C11orf71: variants seen among roughly 807,000 people sequenced by gnomAD.
C11orf71 encodes the protein uncharacterized protein C11orf71.
For synonymous variants in C11orf71, 72 were observed against 73.4 expected (o/e 0.98, Z 0.09); for missense variants, 179 against 167.6 (o/e 1.07, Z -0.38).
In C11orf71 at chr11:114,392,423, A is replaced by G. The variant is rs962772907; in HGVS notation, c.344-758T>C. Reference sequence around the variant, plus strand: ...CTTGGTGATGGGCATCTGTAATCCCAGCTACTGAGGAGGCTGAGGCAGGAG... The same window carrying G: ...CTTGGTGATGGGCATCTGTAATCCCGGCTACTGAGGAGGCTGAGGCAGGAG... On this transcript the variant is annotated intron_variant, in intron 1 of 1. Transcript: ENST00000325636. Among the ~76,000 whole-genome samples, 10 of 150,878 alleles carry G rather than the reference A, an allele frequency of 6.6e-5. No individual in the cohort carries two copies. In the South Asian group the frequency reaches 2.1e-3, roughly 32 times the overall value.
At chr11:114,394,875 G>A (rs1255454085), downstream of C11orf71, among the ~76,000 whole-genome samples, 1 of 151,344 alleles carries the variant, frequency 6.6e-6, no homozygotes, top group Non-Finnish European at 1.5e-5. Context: ...GCGGCAGGTT[G>A]ATTTCAAACT....
chr11:114,393,137 C>A (rs1813911527), intron 1 of C11orf71, among the ~76,000 whole-genome samples: 1 of 152,204 alleles, frequency 6.6e-6, no homozygotes, highest in African/African-American at 2.4e-5. Flanking sequence ...ACAGCTCTTA[C>A]ATGCCACACT....
Position 114,400,306 on chromosome 11 carries a change from G to C in C11orf71, c.26C>G (p.Ser9Cys). The change falls in exon 1 of 1, where the codon TCC becomes TGC. Residue 9 changes from serine (S) to cysteine (C), a missense_variant. Transcript: ENST00000623205. ...CACCCTGCTCCTCTGATCACCGGAG[G>C]ACAGGGACACATTGTTCAGGGCCAT... MALNNVSL[S>C]SGDQRSRVAY... 6.2e-7 allele frequency: 1 copy of C among 1,609,416 alleles called. No individual in the cohort carries two copies. Among genetic ancestry groups the C allele is most frequent in the Admixed American group, 1.7e-5 (1 of 59,434 alleles).
chr11:114,392,374 C>G (rs148274006), intron 1 of C11orf71, among the ~76,000 whole-genome samples: 201 of 151,930 alleles, frequency 1.3e-3, no homozygotes, highest in African/African-American at 4.6e-3. Flanking sequence ...CCCGTCTCTA[C>G]TAAAAATACG....
At chr11:114,394,246 TC>T (rs1305570622), downstream of C11orf71, among the ~76,000 whole-genome samples, 1 of 63,434 alleles carries the variant, frequency 1.6e-5, no homozygotes, top group African/African-American at 1.2e-4. Flanking sequence ...TCTTTTCTTT[TC>T]TTTTCTTTTC....
downstream of C11orf71, among the ~76,000 whole-genome samples, chr11:114,394,897 T>G (rs1946118980): frequency 6.6e-6 from 1 of 151,264 alleles, no homozygotes; most frequent in Admixed American, 6.6e-5. Context: ...AAGTAATCCT[T>G]TAAGAAAAAT....
chr11:114,394,193 C>CTTTTCTTTTCTT (rs1555024158), downstream of C11orf71, among the ~76,000 whole-genome samples: 2 of 48,786 alleles, frequency 4.1e-5, no homozygotes, highest in African/African-American at 9.4e-5. Flanking sequence ...CTTTTCTTTT[C>CTTTTCTTTTCTT]TTTTCTTTTC....
downstream of C11orf71, among the ~76,000 whole-genome samples, chr11:114,394,223 CTTTTCTTTCTTTTCT>C (rs1565256479): frequency 3.3e-5 from 2 of 60,262 alleles, no homozygotes; most frequent in Non-Finnish European, 5.5e-5. Context: ...CTTTTCTTTT[CTTTTCTTTCTTTTCT>C]TTTCTTTTCT....
chr11:114,396,309 G>A (rs997686878), downstream of C11orf71, among the ~76,000 whole-genome samples: 1 of 152,150 alleles, frequency 6.6e-6, no homozygotes, highest in African/African-American at 2.4e-5. Flanking sequence ...CCTTTAACAT[G>A]CCCTTACACA....
downstream of C11orf71, among the ~76,000 whole-genome samples, chr11:114,394,174 G>GTTTCTTTTCT (rs1187890536): frequency 7.5e-3 from 581 of 77,454 alleles, 86 homozygotes; most frequent in African/African-American, 0.014. Context: ...TAGAGACGGG[G>GTTTCTTTTCT]TTTCGTTTCT....
downstream of C11orf71, among the ~76,000 whole-genome samples, chr11:114,394,594 G>A (rs1946116417): frequency 1.3e-5 from 2 of 151,298 alleles, no homozygotes; most frequent in African/African-American, 4.9e-5. Context: ...TGCGCCCAGC[G>A]AGACGGGATT....
chr11:114,393,017 T>C (rs1448930213), intron 1 of C11orf71, among the ~76,000 whole-genome samples: 1 of 152,216 alleles, frequency 6.6e-6, no homozygotes, highest in East Asian at 1.9e-4. Flanking sequence ...CATTTAGAAA[T>C]GGTTGGAAAG....
rs768517083 is a variant in C11orf71, at chr11:114,400,290, C to T, written c.42G>A (p.Arg14=). The change falls in exon 1 of 1, where the codon AGG becomes AGA. Residue 14 remains arginine, a synonymous_variant. Coordinates refer to ENST00000623205, the MANE Select transcript of C11orf71 (RefSeq NM_001271562.2). The stretch of plus-strand genomic sequence containing the variant: ...GGGAAGAGCGGTAGGCCACCCTGCT[C>T]CTCTGATCACCGGAGGACAGGGACA... ...NNVSLSSGDQ[R]SRVAYRSSHG... 7.5e-6 allele frequency: 12 copies of T among 1,610,056 alleles called. No homozygotes were observed. In the African/African-American group the frequency reaches 1.6e-4, roughly 22 times the overall value.
downstream of C11orf71, among the ~76,000 whole-genome samples, chr11:114,396,921 A>AT (rs1224218345): frequency 6.6e-6 from 1 of 152,200 alleles, no homozygotes; most frequent in Non-Finnish European, 1.5e-5. Context: ...AGTTACCTTT[A>AT]TCACCAGATT....
At chr11:114,394,256 TCTTTTCTTTTC>T (rs1946106559), downstream of C11orf71, among the ~76,000 whole-genome samples, 1 of 71,122 alleles carries the variant, frequency 1.4e-5, no homozygotes, top group African/African-American at 9.5e-5. Flanking sequence ...TCTTTTCTTT[TCTTTTCTTTTC>T]TTTTCTTTTC....
chr11:114,392,529 CAAAAAAAAAAA>C lies in C11orf71; in HGVS notation c.344-875_344-865del, dbSNP rs386374967. On this transcript the variant is annotated intron_variant, in intron 1 of 1. Coordinates refer to the C11orf71 transcript ENST00000325636. The stretch of plus-strand genomic sequence containing the variant: ...CTCCAGCCTAGGTGATAGAATGAGA[CAAAAAAAAAAA>C]AAAAAAAAAAGAAGAAGAAGAAGAA... Among the ~76,000 whole-genome samples the C allele has an allele frequency of 7.6e-3, 391 of 51,700 alleles. 4 individuals carry two copies. Among genetic ancestry groups the C allele is most frequent in the African/African-American group, 0.028 (366 of 12,950 alleles). 33.9% of individuals were successfully genotyped at this position (51,700 alleles called of 152,430 possible). A position where few individuals can be genotyped will look rare whatever the true frequency, so the allele number is the denominator to read the frequency against.
chr11:114,394,292 A>G (rs7118216), downstream of C11orf71, among the ~76,000 whole-genome samples: 33 of 25,360 alleles, frequency 1.3e-3, no homozygotes, highest in African/African-American at 4.3e-3. Flanking sequence ...CTTTTCTCTT[A>G]TTTTCTTTTC....
chr11:114,391,699 C>A, intron 1 of C11orf71: 3 of 1,014,938 alleles, frequency 3.0e-6, no homozygotes, highest in Non-Finnish European at 4.3e-6. Flanking sequence ...TATAAGATGG[C>A]AGGGAGTGGT....
Position 114,399,086 on chromosome 11 carries a change from C to T in C11orf71, c.*874G>A, listed in dbSNP as rs1946153621. On this transcript the variant is annotated 3_prime_UTR_variant, in exon 1 of 1. Transcript: ENST00000623205. ...AAAAAAAAAGTCACTGCAACCAGTA[C>T]TTATGTTTATTACTGTACCTAATAA... The T allele has an allele frequency of 6.7e-6, 1 of 149,604 alleles. No homozygotes were observed. The highest frequency in any genetic ancestry group is 2.5e-5 in the African/African-American group (1 of 40,646). The allele number at this position is 149,604 out of a possible 1,614,324, so 9.3% of individuals were successfully genotyped here.
Sources: gnomAD v4.1 joint callset for allele counts (sites outside exome capture counted in the v4.1 genomes callset) on GRCh38, gnomAD v4.1.1 for gene constraint, MANE v1.5 for transcripts, NCBI Gene and HGNC (gene_info 2026-07-23, HGNC 2026-07-21) for gene names.